NRL: variants seen among roughly 807,000 people sequenced by gnomAD.
NRL encodes the protein neural retina-specific leucine zipper protein.
A neutral mutation model predicts 12.5 loss-of-function variants in NRL; 16 were observed. The observed-to-expected ratio is 1.28, with a 90% confidence interval of 0.87 to 1.95. The LOEUF (loss-of-function observed/expected upper bound fraction) is 1.95. NRL is among the 30% of genes most tolerant of loss of function. The pLI is 0.00. For missense variants in NRL, 314 were observed against 325.8 expected (o/e 0.96, Z 0.28); for synonymous variants, 142 against 150.9 (o/e 0.94, Z 0.43).
At chr14:24,099,206 G>T (rs929127881) in intron 1 of NRL, 20 of 1,600,854 alleles carry the variant, frequency 1.2e-5, no homozygotes, top group Non-Finnish European at 1.7e-5. Context: ...GGCTGGCCCG[G>T]GATGAGGGCT....
intron 1 of NRL, chr14:24,099,654 G>C (rs771075981): frequency 5.0e-6 from 8 of 1,613,594 alleles, no homozygotes; most frequent in Non-Finnish European, 6.8e-6. Context: ...GATGCGGCCT[G>C]CACTGCCAGG....
chr14:24,097,969 T>A (rs2036967085), intron 1 of NRL, among the ~76,000 whole-genome samples: 1 of 152,104 alleles, frequency 6.6e-6, no homozygotes, highest in African/African-American at 2.4e-5. Flanking sequence ...TTTTTTTTTT[T>A]TTCCTCACCA....
At chr14:24,089,301 G>A (rs1352171508) in intron 1 of NRL, among the ~76,000 whole-genome samples, 4 of 151,940 alleles carry the variant, frequency 2.6e-5, no homozygotes, top group Admixed American at 1.3e-4. Flanking sequence ...AGGCTGGAGT[G>A]CAGTGGTGCA....
At position 24,081,737 on chromosome 14, in the gene NRL, G is replaced by A. The variant is rs953745873; in HGVS notation, c.382-169C>T. ...TGTTTCGGTCCAGAGCCCGCCCCAG[G>A]CCCCGACGCTCCCCGGGCCCCCCAG... On this transcript the variant is annotated intron_variant, in intron 2 of 2. Coordinates refer to ENST00000561028, the MANE Select transcript of NRL (RefSeq NM_001354768.3). The surrounding 1 kb of genome is among the most constrained non-coding windows in gnomAD (Gnocchi z 4.4). The A allele has an allele frequency of 1.3e-6, 2 of 1,521,854 alleles. No individual in the cohort carries two copies. Among genetic ancestry groups the A allele is most frequent in the Non-Finnish European group, 1.8e-6 (2 of 1,140,694 alleles). 94.3% of individuals were successfully genotyped at this position (1,521,854 alleles called of 1,614,324 possible). A position where few individuals can be genotyped will look rare whatever the true frequency, so the allele number is the denominator to read the frequency against.
chr14:24,094,066 C>A lies in NRL; in HGVS notation c.-27-11191G>T. The A allele has an allele frequency of 1.9e-6, 1 of 536,280 alleles. No homozygotes were observed. The highest frequency in any genetic ancestry group is 3.3e-6 in the Non-Finnish European group (1 of 306,038). 33.2% of individuals were successfully genotyped at this position (536,280 alleles called of 1,614,324 possible). On this transcript the variant is annotated intron_variant, in intron 1 of 2. Transcript: ENST00000561028. The surrounding 1 kb of genome is among the most constrained non-coding windows in gnomAD (Gnocchi z 4.1). ...TCATGTGCGGCTGGGAGGGCGGTGG[C>A]GGATGGGGGGCGGGGCCTCGAAGTC...
intron 1 of NRL, chr14:24,095,181 A>G: frequency 2.2e-6 from 1 of 456,098 alleles, no homozygotes; most frequent in Non-Finnish European, 4.4e-6. Context: ...CATCTGTCGC[A>G]CAGCCCGTTC....
chr14:24,089,329 C>A (rs1195882399), intron 1 of NRL, among the ~76,000 whole-genome samples: 1 of 152,028 alleles, frequency 6.6e-6, no homozygotes, highest in Non-Finnish European at 1.5e-5. Context: ...CTCACTGCAG[C>A]CTTGAACTCC....
chr14:24,112,690 C>T (rs1247193325), intron 1 of NRL, among the ~76,000 whole-genome samples: 1 of 29,176 alleles, frequency 3.4e-5, no homozygotes, highest in African/African-American at 1.8e-4. Context: ...TATCATCTCA[C>T]ACCAGTTAGA....
intron 1 of NRL, chr14:24,104,147 AT>A: frequency 1.7e-6 from 1 of 596,960 alleles, no homozygotes; most frequent in South Asian, 2.0e-5. Flanking sequence ...TGCTGTTTTC[AT>A]TTCCCACCTA....
rs550846406 is a variant in NRL, at chr14:24,085,779, A to C, written c.-27-2904T>G. Among the ~76,000 whole-genome samples, 29 of 152,334 alleles carry C rather than the reference A, an allele frequency of 1.9e-4. No homozygotes were observed. In the South Asian group the frequency reaches 5.2e-3, roughly 27 times the overall value. ...GATTATCTAAGAAGGTGGTTTCTGAAGTGTGGTCCCCAGAGCAGCAGCATC... is the reference window on the plus strand; with the variant it reads ...GATTATCTAAGAAGGTGGTTTCTGACGTGTGGTCCCCAGAGCAGCAGCATC... On this transcript the variant is annotated intron_variant, in intron 1 of 2. Transcript: ENST00000561028. This position sits in a 1 kb window ranked among gnomAD's most constrained non-coding sequence, Gnocchi z 4.1.
At chr14:24,103,298 A>ACAGGAGAG in intron 1 of NRL, 1 of 1,489,486 alleles carries the variant, frequency 6.7e-7, no homozygotes, top group Non-Finnish European at 9.3e-7. Context: ...GTGTGCACAC[A>ACAGGAGAG]GCACGTCCTC....
At chr14:24,088,394 C>T (rs1227666132) in intron 1 of NRL, among the ~76,000 whole-genome samples, 1 of 152,248 alleles carries the variant, frequency 6.6e-6, no homozygotes, top group East Asian at 1.9e-4. Context: ...GGGAGGTCCA[C>T]ATGGTTCCAC....
chr14:24,113,559 CTACA>C (rs1301424996), intron 1 of NRL, among the ~76,000 whole-genome samples: 1 of 152,184 alleles, frequency 6.6e-6, no homozygotes, highest in East Asian at 1.9e-4. Context: ...AGCAGACCGC[CTACA>C]TAATCAGTGG....
intron 1 of NRL, chr14:24,100,648 A>G (rs752446123): frequency 8.5e-6 from 8 of 941,638 alleles, no homozygotes; most frequent in Non-Finnish European, 1.0e-5. Context: ...AGCACTATCC[A>G]TAAAGTTTGG....
Position 24,095,653 on chromosome 14 carries a change from T to C in NRL, c.-27-12778A>G, listed in dbSNP as rs577733071. Reference sequence around the variant, plus strand: ...CACGTGGTCCTGGGTGTGGGGGCAGTTTCTGATGGGCGAGGCCTTGATAGA... The same window carrying C: ...CACGTGGTCCTGGGTGTGGGGGCAGCTTCTGATGGGCGAGGCCTTGATAGA... On this transcript the variant is annotated intron_variant, in intron 1 of 2. Transcript: ENST00000561028. 2.4e-4 allele frequency among the ~76,000 whole-genome samples: 37 copies of C among 152,306 alleles called. 1 individual carries two copies. Among genetic ancestry groups the C allele is most frequent in the African/African-American group, 8.7e-4 (36 of 41,564 alleles).
intron 1 of NRL, chr14:24,098,561 T>C: frequency 6.2e-7 from 1 of 1,614,154 alleles, no homozygotes; most frequent in Non-Finnish European, 8.5e-7. Flanking sequence ...TGACTCAGCC[T>C]ATGTGGTGGC....
Position 24,082,837 on chromosome 14 carries a change from G to A in NRL, c.12C>T (p.Pro4=), listed in dbSNP as rs1056545972. 2 of 1,612,408 alleles carry A rather than the reference G, an allele frequency of 1.2e-6. No individual in the cohort carries two copies. The highest frequency in any genetic ancestry group is 1.7e-5 in the Admixed American group (1 of 59,980). MAL[P]PSPLAMEYVN... The stretch of plus-strand genomic sequence containing the variant: ...CATATTCCATGGCCAGGGGGCTGGG[G>A]GGCAGGGCCATTCTGGAGCTGGGCT... The change falls in exon 2 of 3, where the codon CCC becomes CCT. Residue 4 remains proline, a synonymous_variant. Coordinates refer to ENST00000561028, the MANE Select transcript of NRL (RefSeq NM_001354768.3).
chr14:24,090,220 T>G (rs1360590085), intron 1 of NRL, among the ~76,000 whole-genome samples: 1 of 126,206 alleles, frequency 7.9e-6, no homozygotes, highest in Non-Finnish European at 1.6e-5. Flanking sequence ...TATTTGCAAC[T>G]GGAAGCACAC....
rs886050428 is a variant in NRL at position 24,081,180 on chromosome 14, C to T, written c.*56G>A. The T allele has an allele frequency of 3.2e-6, 4 of 1,259,858 alleles. No individual in the cohort carries two copies. The highest frequency in any genetic ancestry group is 1.0e-6 in the Non-Finnish European group (1 of 963,426). 78.0% of individuals were successfully genotyped at this position (1,259,858 alleles called of 1,614,324 possible). ...GATGCAGAGAACCGTGCAGCCGCCT[C>T]CTGGGCGGAGCCACCCCACCCAGCC... On this transcript the variant is annotated 3_prime_UTR_variant, in exon 3 of 3. Transcript: ENST00000561028. The surrounding 1 kb of genome is among the most constrained non-coding windows in gnomAD (Gnocchi z 4.4).
Sources: allele counts gnomAD v4.1 joint callset (sites outside exome capture counted in the v4.1 genomes callset), GRCh38; gene constraint gnomAD v4.1.1; non-coding constraint Gnocchi (gnomAD v3.1); transcripts MANE v1.5; gene names NCBI Gene and HGNC (gene_info 2026-07-23, HGNC 2026-07-21).